The following SHROOM3 variants were observed in gnomAD, a reference collection of about 807,000 sequenced individuals.
SHROOM3 encodes the protein protein Shroom3.
In SHROOM3, 47 loss-of-function variants were observed where a neutral mutation model predicts 138.6. The observed-to-expected ratio is 0.34, with a 90% CI of 0.27 to 0.43. The LOEUF (loss-of-function observed/expected upper bound fraction) is 0.43. SHROOM3 is among the 20% of genes least tolerant of loss of function. The pLI is 1.00. For missense variants in SHROOM3, 2,491 were observed against 2,596.5 expected (o/e 0.96, Z 0.88); for synonymous variants, 1,062 against 1,063.3 (o/e 1.00, Z 0.02).
At chr4:76,726,603 A>C (rs1013627539) in intron 3 of SHROOM3, among the ~76,000 whole-genome samples, 2 of 150,236 alleles carry the variant, frequency 1.3e-5, no homozygotes, top group African/African-American at 4.9e-5. Context: ...ATGCAGTGGC[A>C]CACAGTCATT....
Position 76,754,788 on chromosome 4 carries a change from C to T in SHROOM3, c.4305C>T (p.His1435=), listed in dbSNP as rs760319399. The T allele has an allele frequency of 1.7e-5, 27 of 1,614,038 alleles. No individual in the cohort carries two copies. Among genetic ancestry groups the T allele is most frequent in the Admixed American group, 1.5e-4 (9 of 59,998 alleles). The part of the protein sequence containing the change: ...WPPPSRAKWA[H]AAREDSLPEE... ...CTCCTTCTCGAGCAAAGTGGGCCCA[C>T]GCAGCCAGAGAGGACAGCCTTCCTG... Residue 1435 remains histidine (H), a synonymous_variant, in exon 7 of 11, where the codon CAC becomes CAT. Coordinates refer to ENST00000296043, the MANE Select transcript of SHROOM3 (RefSeq NM_020859.4).
intron 2 of SHROOM3, chr4:76,629,065 C>G (rs2110071449): frequency 6.6e-6 from 1 of 152,324 alleles, no homozygotes; most frequent in Non-Finnish European, 1.5e-5. Context: ...AGGCTGGTCT[C>G]TAACTCCTGA....
chr4:76,471,012 G>A (rs917441087), intron 1 of SHROOM3, among the ~76,000 whole-genome samples: 12 of 152,114 alleles, frequency 7.9e-5, no homozygotes, highest in Admixed American at 7.9e-4. Flanking sequence ...GTGTGAGAGA[G>A]AGAGATTGTG....
chr4:76,670,154 A>T (rs1718835354), intron 2 of SHROOM3, among the ~76,000 whole-genome samples: 1 of 152,240 alleles, frequency 6.6e-6, no homozygotes, highest in Admixed American at 6.5e-5. Context: ...TTCAAAGCAG[A>T]ATTATTCATC....
intron 2 of SHROOM3, among the ~76,000 whole-genome samples, chr4:76,626,223 T>A (rs796601474): frequency 6.6e-6 from 1 of 152,154 alleles, no homozygotes; most frequent in Admixed American, 6.5e-5. Flanking sequence ...GGAAAATCAC[T>A]CTCTCCAAGT....
chr4:76,565,606 C>T (rs562588989), intron 2 of SHROOM3, among the ~76,000 whole-genome samples: 27 of 152,248 alleles, frequency 1.8e-4, no homozygotes, highest in African/African-American at 4.1e-4. Context: ...CTTCAGCCTC[C>T]GGAGTAGCTG....
intron 1 of SHROOM3, among the ~76,000 whole-genome samples, chr4:76,530,384 G>A (rs10050141): frequency 0.094 from 14,303 of 152,168 alleles, 953 homozygotes; most frequent in East Asian, 0.32. Context: ...TTTAGAGCTT[G>A]TAGAACAAAG....
Position 76,740,827 on chromosome 4 carries a change from T to C in SHROOM3, c.2654T>C (p.Leu885Pro), listed in dbSNP as rs777811006. The change falls in exon 5 of 11, where the codon CTC becomes CCC. Residue 885 changes from leucine to proline, a missense_variant. Transcript: ENST00000296043. This position sits in a 1 kb window ranked among gnomAD's most constrained non-coding sequence, Gnocchi z 4.0. ...GGCCCCCAGAGGCCGGACGCTCGGCTCCTCCGTAGCCAGAGCACCTTCCAG... is the reference window on the plus strand; with the variant it reads ...GGCCCCCAGAGGCCGGACGCTCGGCCCCTCCGTAGCCAGAGCACCTTCCAG... ...GRGPQRPDAR[L>P]LRSQSTFQLS... 1.3e-6 allele frequency: 2 copies of C among 1,599,454 alleles called. No homozygotes were observed. Among genetic ancestry groups the C allele is most frequent in the Non-Finnish European group, 1.7e-6 (2 of 1,173,370 alleles).
intron 2 of SHROOM3, among the ~76,000 whole-genome samples, chr4:76,673,068 G>A (rs1718935443): frequency 6.6e-6 from 1 of 152,126 alleles, no homozygotes. Flanking sequence ...CAGATTTTTT[G>A]AAAAGTCCCT....
rs1419785369 is a variant in SHROOM3 at position 76,435,829 on chromosome 4, G to A, written c.-224G>A. The A allele has an allele frequency of 5.8e-6, 3 of 514,160 alleles. No individual in the cohort carries two copies. The highest frequency in any genetic ancestry group is 5.6e-5 in the South Asian group (2 of 35,720). 31.8% of individuals were successfully genotyped at this position (514,160 alleles called of 1,614,324 possible). ...TCAGTGAGAACCCAGAATTCCTGGA[G>A]GAGGATTTACATTCAGAAATGTTGA... On this transcript the variant is annotated 5_prime_UTR_variant, in exon 1 of 11. Coordinates refer to ENST00000296043, the MANE Select transcript of SHROOM3 (RefSeq NM_020859.4).
intron 1 of SHROOM3, among the ~76,000 whole-genome samples, chr4:76,534,058 G>A (rs568903175): frequency 2.6e-5 from 4 of 152,224 alleles, no homozygotes; most frequent in South Asian, 4.2e-4. Flanking sequence ...TCAGAGACTC[G>A]GGGGTCCAAT....
At chr4:76,747,776 G>T (rs1721489468) in intron 5 of SHROOM3, among the ~76,000 whole-genome samples, 1 of 152,142 alleles carries the variant, frequency 6.6e-6, no homozygotes, top group Non-Finnish European at 1.5e-5. Context: ...GAGTGAATCA[G>T]AACACATGGA....
rs7678615 is a variant in SHROOM3 at position 76,778,637 on chromosome 4, T to C, written c.5623-172T>C. Among the ~76,000 whole-genome samples, 24,703 of 152,222 alleles carry C rather than the reference T, an allele frequency of 0.16. 2,100 individuals carry two copies. The highest frequency in any genetic ancestry group is 0.24 in the South Asian group (1,178 of 4,824). On this transcript the variant is annotated intron_variant, in intron 10 of 10. Transcript: ENST00000296043. ...TGTTACAATTTAGAGAATGCTGTAA[T>C]ATGTAATATAAGGATAATCTGATTT...
intron 2 of SHROOM3, among the ~76,000 whole-genome samples, chr4:76,699,889 C>T (rs2110112200): frequency 6.6e-6 from 1 of 152,252 alleles, no homozygotes; most frequent in East Asian, 1.9e-4. Context: ...TTTGTGGCTT[C>T]AGCTGAGGGT....
chr4:76,585,388 A>G (rs552609177), intron 2 of SHROOM3, among the ~76,000 whole-genome samples: 1 of 152,186 alleles, frequency 6.6e-6, no homozygotes, highest in African/African-American at 2.4e-5. Context: ...TTGGAGTCCC[A>G]TTTTCTTTCT....
At chr4:76,489,548 A>G (rs995403115) in intron 1 of SHROOM3, among the ~76,000 whole-genome samples, 11 of 152,180 alleles carry the variant, frequency 7.2e-5, no homozygotes, top group Admixed American at 2.0e-4. Flanking sequence ...GAAGATAAAT[A>G]AATACTGTTA....
chr4:76,708,852 A>G (rs1720143116), intron 2 of SHROOM3, among the ~76,000 whole-genome samples: 1 of 152,216 alleles, frequency 6.6e-6, no homozygotes. Context: ...CAATTTATTC[A>G]GTTCATTATT....
At chr4:76,461,861 A>G (rs141550212) in intron 1 of SHROOM3, among the ~76,000 whole-genome samples, 109 of 152,328 alleles carry the variant, frequency 7.2e-4, no homozygotes, top group African/African-American at 2.5e-3. Flanking sequence ...ATCCATATTC[A>G]CTGTCCAAGA....
intron 2 of SHROOM3, among the ~76,000 whole-genome samples, chr4:76,675,439 T>C (rs746891134): frequency 7.9e-5 from 12 of 152,218 alleles, no homozygotes; most frequent in Non-Finnish European, 1.8e-4. Flanking sequence ...TCCAAAGGAA[T>C]GTTTATTGGA....
Sources: gnomAD v4.1 joint callset for allele counts (sites outside exome capture counted in the v4.1 genomes callset) on GRCh38, gnomAD v4.1.1 for gene constraint, Gnocchi (gnomAD v3.1) non-coding constraint, MANE v1.5 for transcripts, NCBI Gene and HGNC (gene_info 2026-07-23, HGNC 2026-07-21) for gene names.